Variants in ZFYVE1 observed in about 807,000 individuals in gnomAD.
ZFYVE1 encodes the protein zinc finger FYVE domain-containing protein 1.
A neutral mutation model predicts 74.4 loss-of-function variants in ZFYVE1; 30 were observed. The ratio of observed to expected loss-of-function variants is 0.40; its 90% CI spans 0.30 to 0.55. The LOEUF (loss-of-function observed/expected upper bound fraction) is 0.55. ZFYVE1 is among the 20% of genes least tolerant of loss of function. The pLI is 0.42. For missense variants in ZFYVE1, 703 were observed against 1,011.6 expected (o/e 0.69, Z 4.14); for synonymous variants, 335 against 385.1 (o/e 0.87, Z 1.52).
intron 6 of ZFYVE1, 53 bp downstream of exon 6, chr14:72,978,808 G>C: frequency 6.8e-7 from 1 of 1,479,960 alleles, no homozygotes; most frequent in Non-Finnish European, 9.4e-7. Context: ...TTGCCAAAGA[G>C]AGAGTGGTCA....
intron 5 of ZFYVE1, among the ~76,000 whole-genome samples, chr14:72,979,795 A>G (rs887171858): frequency 2.6e-5 from 4 of 152,190 alleles, no homozygotes; most frequent in African/African-American, 9.7e-5. Flanking sequence ...AAATCCAAAC[A>G]AGATGAAATG....
chr14:72,984,520 C>T (rs533258233), intron 4 of ZFYVE1, among the ~76,000 whole-genome samples: 12 of 150,568 alleles, frequency 8.0e-5, no homozygotes, highest in African/African-American at 2.9e-4. Flanking sequence ...CAGGGTGAGA[C>T]TCCGTCTCAA....
chr14:73,025,261 G>T (rs1022919887), intron 1 of ZFYVE1, among the ~76,000 whole-genome samples: 2 of 151,682 alleles, frequency 1.3e-5, no homozygotes, highest in Non-Finnish European at 2.9e-5. Context: ...TAGAGACGGG[G>T]TTTCACCATG....
At chr14:73,019,322 T>A (rs2140388987) in intron 2 of ZFYVE1, among the ~76,000 whole-genome samples, 1 of 152,168 alleles carries the variant, frequency 6.6e-6, no homozygotes, top group East Asian at 1.9e-4. Context: ...GGTGCATACC[T>A]GTAGTCTCAG....
At position 72,975,973 on chromosome 14, in the gene ZFYVE1, G is replaced by A. The variant is rs1195589522; in HGVS notation, c.1636-252C>T. 1 of 408,904 alleles carries A rather than the reference G, an allele frequency of 2.4e-6. No homozygotes were observed. Among genetic ancestry groups the A allele is most frequent in the African/African-American group, 2.0e-5 (1 of 49,454 alleles). The allele number at this position is 408,904 out of a possible 1,614,324, so 25.3% of individuals were successfully genotyped here. On this transcript the variant is annotated intron_variant, in intron 8 of 11. Coordinates refer to ENST00000556143, the MANE Select transcript of ZFYVE1 (RefSeq NM_021260.4). This position sits in a 1 kb window ranked among gnomAD's most constrained non-coding sequence, Gnocchi z 4.1. ...AATACAGGAGATGACACCTCCTCCAGGGGGCCCCGCACCGCAGGCTGAGTT... is the reference window on the plus strand; with the variant it reads ...AATACAGGAGATGACACCTCCTCCAAGGGGCCCCGCACCGCAGGCTGAGTT...
chr14:73,022,934 G>A (rs1438688447), intron 2 of ZFYVE1, among the ~76,000 whole-genome samples: 4 of 151,856 alleles, frequency 2.6e-5, no homozygotes, highest in Non-Finnish European at 4.4e-5. Flanking sequence ...AGGCCAAGGC[G>A]GGTGGATCAC....
chr14:72,982,480 CA>C (rs1172716006), intron 4 of ZFYVE1, among the ~76,000 whole-genome samples: 4 of 152,064 alleles, frequency 2.6e-5, no homozygotes, highest in African/African-American at 7.2e-5. Flanking sequence ...CAAAGGACAG[CA>C]AATGGCCAAA....
In ZFYVE1 at chr14:73,023,377, A is replaced by ATATATATTATATATGTTTTATATAT. The variant is rs1894381948; in HGVS notation, c.483+648_483+649insATATATAAAACATATATAATATATA. Among the ~76,000 whole-genome samples, 10 of 15,692 alleles carry ATATATATTATATATGTTTTATATAT rather than the reference A, an allele frequency of 6.4e-4. No individual in the cohort carries two copies. In the South Asian group the frequency reaches 0.02, roughly 31 times the overall value. 10.3% of individuals were successfully genotyped at this position (15,692 alleles called of 152,430 possible). A position where few individuals can be genotyped will look rare whatever the true frequency, so the allele number is the denominator to read the frequency against. ...ATATATTATATATGTTTTATATATA[A>ATATATATTATATATGTTTTATATAT]TATATATATTTTATGTGTTTTATAT... On this transcript the variant is annotated intron_variant, in intron 2 of 11. Transcript: ENST00000556143.
At chr14:72,974,657 G>T in intron 10 of ZFYVE1, 122 bp downstream of exon 10, 1 of 1,312,272 alleles carries the variant, frequency 7.6e-7, no homozygotes, top group Non-Finnish European at 1.0e-6. Context: ...GACTGGCCAA[G>T]ACCAGAAGTA....
Position 73,026,048 on chromosome 14 carries a change from C to A in ZFYVE1, c.-435+878G>T, listed in dbSNP as rs149721451. ...TCTAGCTAGATGTATATTAAAGACT[C>A]AAAACTTAGAAACAATAGTAACAAT... On this transcript the variant is annotated intron_variant, in intron 1 of 11. Coordinates refer to ENST00000556143, the MANE Select transcript of ZFYVE1 (RefSeq NM_021260.4). Among the ~76,000 whole-genome samples the A allele has an allele frequency of 3.1e-4, 47 of 150,186 alleles. No individual in the cohort carries two copies. In the East Asian group the frequency reaches 8.4e-3, roughly 27 times the overall value.
At chr14:73,002,120 T>C (rs76479803) in intron 2 of ZFYVE1, among the ~76,000 whole-genome samples, 10,584 of 152,240 alleles carry the variant, frequency 0.07, 530 homozygotes, top group South Asian at 0.19. Flanking sequence ...TGCTGATACA[T>C]GCTACAACAC....
chr14:73,018,150 G>A lies in ZFYVE1; in HGVS notation c.483+5876C>T, dbSNP rs528841720. On this transcript the variant is annotated intron_variant, in intron 2 of 11. Transcript: ENST00000556143. The stretch of plus-strand genomic sequence containing the variant: ...CTCTGCTTAAAAATCACCTCTGCAA[G>A]CTGGGGGCAGTGGCTCATGCCTATA... 5.9e-5 allele frequency among the ~76,000 whole-genome samples: 9 copies of A among 152,272 alleles called. No homozygotes were observed. The South Asian group carries it at 1.9e-3, about 32-fold the overall frequency.
In ZFYVE1 at chr14:73,016,743, G is replaced by A. The variant is rs192463514; in HGVS notation, c.483+7283C>T. Among the ~76,000 whole-genome samples, 37 of 151,748 alleles carry A rather than the reference G, an allele frequency of 2.4e-4. No individual in the cohort carries two copies. In the East Asian group the frequency reaches 5.8e-3, roughly 24 times the overall value. Reference sequence around the variant, plus strand: ...CTAAAAATTAGCCAGGTGTGGTGGCGGGCACCTGTAATCCCAGCTACTCAG... The same window carrying A: ...CTAAAAATTAGCCAGGTGTGGTGGCAGGCACCTGTAATCCCAGCTACTCAG... On this transcript the variant is annotated intron_variant, in intron 2 of 11. Transcript: ENST00000556143.
In ZFYVE1 at chr14:73,024,119, C is replaced by A. The variant is rs762189931; in HGVS notation, c.390G>T (p.Leu130=). The A allele has an allele frequency of 8.7e-6, 14 of 1,614,196 alleles. No homozygotes were observed. Among genetic ancestry groups the A allele is most frequent in the Non-Finnish European group, 1.2e-5 (14 of 1,180,038 alleles). Residue 130 remains leucine, a synonymous_variant, in exon 2 of 12, where the codon CTG becomes CTT. Transcript: ENST00000556143. ...VYNVSNLQES[L]EAEEMDEETK... ...TCTCCTCATCCATCTCTTCTGCCTC[C>A]AGTGACTCCTGGAGATTACTGACAT...
In ZFYVE1 at chr14:72,991,328, T is replaced by G. The variant is rs574992499; in HGVS notation, c.1203+1815A>C. Among the ~76,000 whole-genome samples the G allele has an allele frequency of 1.8e-3, 266 of 151,982 alleles. 2 individuals carry two copies. Among genetic ancestry groups the G allele is most frequent in the African/African-American group, 5.8e-3 (240 of 41,478 alleles). ...CCTCAGCCTCCCAAGTAGCTGGGAC[T>G]ACAGGTGCCCGCTACCACACCCGGC... On this transcript the variant is annotated intron_variant, in intron 4 of 11. Coordinates refer to ENST00000556143, the MANE Select transcript of ZFYVE1 (RefSeq NM_021260.4).
intron 2 of ZFYVE1, among the ~76,000 whole-genome samples, chr14:73,011,770 C>T (rs1202829805): frequency 6.6e-6 from 1 of 150,768 alleles, no homozygotes; most frequent in East Asian, 2.0e-4. Flanking sequence ...GATCCACCTG[C>T]CTCTGCCTCC....
chr14:72,975,631 G>A lies in ZFYVE1; in HGVS notation c.1726C>T (p.Leu576Phe). Residue 576 changes from leucine (L) to phenylalanine (F), a missense_variant, in exon 9 of 12, where the codon CTT (leucine) becomes TTT (phenylalanine). Coordinates refer to ENST00000556143, the MANE Select transcript of ZFYVE1 (RefSeq NM_021260.4). This position sits in a 1 kb window ranked among gnomAD's most constrained non-coding sequence, Gnocchi z 4.1. ...GAAGTCACAGCCTTGGTGGGTCCAAGGCTAAGCTCGGACACCGACTGAGCC... is the reference window on the plus strand; with the variant it reads ...GAAGTCACAGCCTTGGTGGGTCCAAAGCTAAGCTCGGACACCGACTGAGCC... ...FMAQSVSELS[L>F]GPTKAVTSWL... 1 of 1,614,192 alleles carries A rather than the reference G, an allele frequency of 6.2e-7. No homozygotes were observed.
Position 72,970,686 on chromosome 14 carries a change from A to G in ZFYVE1, c.*196T>C. The G allele has an allele frequency of 1.6e-6, 1 of 614,854 alleles. No homozygotes were observed. 38.1% of individuals were successfully genotyped at this position (614,854 alleles called of 1,614,324 possible). ...TTCATTCCCCTTTGCGATAAGTTGC[A>G]AGGTCCCCTGCCCTGAGGGGTCCAC... On this transcript the variant is annotated 3_prime_UTR_variant, in exon 12 of 12. Coordinates refer to ENST00000556143, the MANE Select transcript of ZFYVE1 (RefSeq NM_021260.4).
At chr14:72,981,701 C>T in intron 5 of ZFYVE1, 88 bp downstream of exon 5, 1 of 1,222,488 alleles carries the variant, frequency 8.2e-7, no homozygotes, top group Non-Finnish European at 1.2e-6. Context: ...CCCAGGGGAT[C>T]TGCATCCACA....
Sources: gnomAD v4.1 joint callset for allele counts (sites outside exome capture counted in the v4.1 genomes callset) on GRCh38, gnomAD v4.1.1 for gene constraint, Gnocchi (gnomAD v3.1) non-coding constraint, MANE v1.5 for transcripts, NCBI Gene and HGNC (gene_info 2026-07-23, HGNC 2026-07-21) for gene names.